AXDND1: variants seen among roughly 807,000 people sequenced by gnomAD.
AXDND1 encodes the protein axonemal dynein light chain domain-containing protein 1.
Under a neutral mutation model 137.5 loss-of-function variants are expected in AXDND1, and 110 were observed. The observed-to-expected ratio is 0.80, with a 90% CI of 0.69 to 0.94. The LOEUF is 0.94. Ranked by LOEUF, AXDND1 falls within the 40% of genes least tolerant of loss-of-function variation. The pLI is 0.00. For synonymous variants in AXDND1, 414 were observed against 399.7 expected (o/e 1.04, Z -0.43); for missense variants, 1,191 against 1,169.8 (o/e 1.02, Z -0.26).
chr1:179,515,072 G>T (rs1669405202), intron 21 of AXDND1, among the ~76,000 whole-genome samples: 1 of 152,162 alleles, frequency 6.6e-6, no homozygotes, highest in Admixed American at 6.5e-5. Context: ...TTACTATTGA[G>T]ATGTGAGATA....
At chr1:179,465,690 C>G (rs946158579) in intron 16 of AXDND1, among the ~76,000 whole-genome samples, 1 of 152,212 alleles carries the variant, frequency 6.6e-6, no homozygotes. Context: ...TTTCTGCTGC[C>G]TTTTGTTCAG....
At chr1:179,423,123 C>T (rs555705875) in intron 12 of AXDND1, among the ~76,000 whole-genome samples, 13 of 151,934 alleles carry the variant, frequency 8.6e-5, no homozygotes, top group Admixed American at 2.6e-4. Context: ...CAGTGTTGGG[C>T]GTATAATTGT....
chr1:179,549,683 G>A (rs541984077), intron 25 of AXDND1, among the ~76,000 whole-genome samples: 30 of 152,158 alleles, frequency 2.0e-4, no homozygotes, highest in African/African-American at 7.0e-4. Context: ...CCTGAGATCA[G>A]GAACCGTCAT....
At position 179,483,163 on chromosome 1, in the gene AXDND1, A is replaced by G; in HGVS notation, c.2033A>G (p.Gln678Arg). 1.9e-6 allele frequency: 3 copies of G among 1,610,192 alleles called. No individual in the cohort carries two copies. Among genetic ancestry groups the G allele is most frequent in the Non-Finnish European group, 2.5e-6 (3 of 1,177,918 alleles). ...LQAYIFNMIQ[Q>R]WLLKIGNEIN... ...GCGTATATATTTAACATGATTCAACAATGGCTTTTGAAGATAGGCAATGAA... is the reference window on the plus strand; with the variant it reads ...GCGTATATATTTAACATGATTCAACGATGGCTTTTGAAGATAGGCAATGAA... The change falls in exon 18 of 26, where the codon CAA becomes CGA. Residue 678 changes from glutamine (Q) to arginine (R), a missense_variant. Gln to Arg is a conservative substitution (Grantham distance 43). Coordinates refer to ENST00000367618, the MANE Select transcript of AXDND1 (RefSeq NM_144696.6).
intron 13 of AXDND1, among the ~76,000 whole-genome samples, chr1:179,430,034 A>G (rs1477059740): frequency 6.6e-6 from 1 of 151,034 alleles, no homozygotes; most frequent in Non-Finnish European, 1.5e-5. Flanking sequence ...AACTCTTAAG[A>G]CAATTCTGTG....
chr1:179,412,741 A>G (rs997554170), intron 12 of AXDND1, among the ~76,000 whole-genome samples: 10 of 152,220 alleles, frequency 6.6e-5, no homozygotes, highest in African/African-American at 9.6e-5. Flanking sequence ...ATCAAGAGAT[A>G]TAACTACTTA....
chr1:179,539,072 C>T (rs1468749801), intron 25 of AXDND1, among the ~76,000 whole-genome samples: 1 of 152,038 alleles, frequency 6.6e-6, no homozygotes, highest in Non-Finnish European at 1.5e-5. Context: ...TTATTTTGAG[C>T]CTATGTGTGT....
At chr1:179,416,999 T>C (rs1654810825) in intron 12 of AXDND1, among the ~76,000 whole-genome samples, 1 of 152,218 alleles carries the variant, frequency 6.6e-6, no homozygotes, top group Non-Finnish European at 1.5e-5. Flanking sequence ...TGCAAGCATC[T>C]GTATTGCCTG....
intron 11 of AXDND1, among the ~76,000 whole-genome samples, chr1:179,400,933 A>G (rs1464731357): frequency 2.0e-5 from 3 of 149,432 alleles, no homozygotes; most frequent in African/African-American, 4.9e-5. Flanking sequence ...AAAAAGAAAA[A>G]AAAAAGGACA....
At chr1:179,518,416 G>A (rs765185703) in intron 21 of AXDND1, among the ~76,000 whole-genome samples, 3 of 150,704 alleles carry the variant, frequency 2.0e-5, no homozygotes, top group African/African-American at 7.3e-5. Context: ...TAAGTTCGGG[G>A]TACATGTGCA....
Position 179,430,620 on chromosome 1 carries a change from A to C in AXDND1, c.1487+14A>C. 3 of 1,601,722 alleles carry C rather than the reference A, an allele frequency of 1.9e-6. No homozygotes were observed. Among genetic ancestry groups the C allele is most frequent in the Non-Finnish European group, 2.6e-6 (3 of 1,175,990 alleles). On this transcript the variant is annotated intron_variant, in intron 14 of 25. Coordinates refer to ENST00000367618, the MANE Select transcript of AXDND1 (RefSeq NM_144696.6). ...GGAGTTCTTCAAGTGAGTCACCAAG[A>C]ATCTTGTTTTTCTGATTATACTTAT...
chr1:179,452,623 G>A (rs902301565), intron 16 of AXDND1: 2 of 136,322 alleles, frequency 1.5e-5, no homozygotes, highest in Admixed American at 1.6e-4. Context: ...GGGAAGCGGA[G>A]CTTGCAGTGA....
intron 16 of AXDND1, among the ~76,000 whole-genome samples, chr1:179,468,164 T>G (rs974561756): frequency 6.6e-6 from 1 of 152,208 alleles, no homozygotes; most frequent in African/African-American, 2.4e-5. Flanking sequence ...TTTCTGGGTT[T>G]AATGCATTTG....
At chr1:179,386,910 T>G (rs1649316062) in intron 9 of AXDND1, among the ~76,000 whole-genome samples, 1 of 151,908 alleles carries the variant, frequency 6.6e-6, no homozygotes. Flanking sequence ...TATTTTTTTT[T>G]GTAGAGACAG....
At chr1:179,553,030 T>C (rs1434929776) in intron 25 of AXDND1, among the ~76,000 whole-genome samples, 3 of 152,176 alleles carry the variant, frequency 2.0e-5, no homozygotes, top group African/African-American at 7.2e-5. Context: ...ACACTACTGA[T>C]AATAAAGATA....
rs191329120 is a variant in AXDND1 at position 179,460,639 on chromosome 1, C to T, written c.1799-7804C>T. 9.0e-3 allele frequency among the ~76,000 whole-genome samples: 1,370 copies of T among 152,274 alleles called. 41 individuals are homozygous for T. The highest frequency in any genetic ancestry group is 0.056 in the Admixed American group (862 of 15,292). On this transcript the variant is annotated intron_variant, in intron 16 of 25. Coordinates refer to ENST00000367618, the MANE Select transcript of AXDND1 (RefSeq NM_144696.6). ...GGAATCGCCACACTGTCTTCCACAA[C>T]GGTTGAACTAGTTTACAGTCCCAAC...
intron 16 of AXDND1, chr1:179,456,624 C>CCACCATAT (rs1661446978): frequency 2.4e-6 from 2 of 833,244 alleles, no homozygotes; most frequent in African/African-American, 3.3e-5. Context: ...ATCCCCACTG[C>CCACCATAT]CACCATATCC....
Position 179,414,431 on chromosome 1 carries a change from A to AT in AXDND1, c.1230+3168dup, listed in dbSNP as rs1553263721. ...TTAATCTTTATTTATTTATTTATTT[A>AT]TTTATTTTTTTGAGATGGAGTCTCG... On this transcript the variant is annotated intron_variant, in intron 12 of 25. Transcript: ENST00000367618. 3.5e-3 allele frequency among the ~76,000 whole-genome samples: 534 copies of AT among 151,554 alleles called. 3 individuals are homozygous for AT. Among genetic ancestry groups the AT allele is most frequent in the African/African-American group, 0.012 (500 of 41,256 alleles).
chr1:179,375,098 TA>T (rs953547954), intron 4 of AXDND1, among the ~76,000 whole-genome samples: 102 of 148,476 alleles, frequency 6.9e-4, no homozygotes, highest in East Asian at 3.3e-3. Flanking sequence ...TCTTTATTAA[TA>T]AAAAAAAAAT....
Sources: allele counts gnomAD v4.1 joint callset (sites outside exome capture counted in the v4.1 genomes callset), GRCh38; gene constraint gnomAD v4.1.1; transcripts MANE v1.5; gene names NCBI Gene and HGNC (gene_info 2026-07-23, HGNC 2026-07-21).